The following KIAA1217 variants were observed in gnomAD, a reference collection of about 807,000 sequenced individuals.
KIAA1217 encodes the protein KIAA1217.
KIAA1217 carries 88 observed loss-of-function variants against 163.9 expected under a neutral mutation model. The ratio of observed to expected loss-of-function variants is 0.54; its 90% CI spans 0.45 to 0.64. KIAA1217 has a LOEUF of 0.64. Among genes scored for constraint, KIAA1217 ranks in the 30% least tolerant of loss-of-function variants. The pLI is 0.00. For missense variants in KIAA1217, 2,372 were observed against 2,475.0 expected (o/e 0.96, Z 0.88); for synonymous variants, 903 against 923.1 (o/e 0.98, Z 0.39).
intron 2 of KIAA1217, among the ~76,000 whole-genome samples, chr10:24,125,322 CTGTGTGTGTGTGTGTGTG>C (rs58143239): frequency 3.5e-5 from 5 of 143,720 alleles, no homozygotes; most frequent in Admixed American, 7.0e-5. Context: ...ATCCTATGCT[CTGTGTGTGTGTGTGTGTG>C]TGTGTGTGTG....
chr10:24,507,837 G>A (rs1326202889), intron 9 of KIAA1217, among the ~76,000 whole-genome samples: 2 of 151,992 alleles, frequency 1.3e-5, no homozygotes, highest in South Asian at 2.1e-4. Flanking sequence ...AGAGATAAAT[G>A]GAAAAATCTT....
chr10:23,724,739 C>T (rs1238943924), intron 1 of KIAA1217, among the ~76,000 whole-genome samples: 1 of 152,166 alleles, frequency 6.6e-6, no homozygotes, highest in African/African-American at 2.4e-5. Context: ...CGTTCTGTTT[C>T]AACTTAAAAC....
chr10:24,227,678 G>A lies in KIAA1217; in HGVS notation c.354+7769G>A, dbSNP rs1016890027. ...CTCCCAAGTAGCTGGGACTACAGGC[G>A]CCCGCCACCATGCCCGGCTAATTTT... On this transcript the variant is annotated intron_variant, in intron 2 of 20. Transcript: ENST00000376454. Among the ~76,000 whole-genome samples the A allele has an allele frequency of 5.3e-5, 8 of 151,858 alleles. No homozygotes were observed. The East Asian group carries it at 7.8e-4, about 15-fold the overall frequency.
chr10:23,899,783 G>C lies in KIAA1217; in HGVS notation c.-320-107442G>C, dbSNP rs1007056327. 2.6e-5 allele frequency among the ~76,000 whole-genome samples: 4 copies of C among 152,198 alleles called. No homozygotes were observed. The East Asian group carries it at 7.8e-4, about 30-fold the overall frequency. On this transcript the variant is annotated intron_variant, in intron 1 of 18. Coordinates refer to the KIAA1217 transcript ENST00000376462. ...TATGGGAATGTGTATGTGTGTGTTT[G>C]TGTGTGTAAAACAAATGCCACACAC...
chr10:24,533,020 T>C (rs2073354450), intron 15 of KIAA1217, 50 bp from the exon 16 acceptor site: 1 of 1,533,834 alleles, frequency 6.5e-7, no homozygotes, highest in Non-Finnish European at 8.8e-7. Flanking sequence ...CCTTTTTTGC[T>C]AGCACCTAGG....
At chr10:23,740,622 G>A (rs6482337) in intron 1 of KIAA1217, among the ~76,000 whole-genome samples, 34,834 of 152,002 alleles carry the variant, frequency 0.23, 4,330 homozygotes, top group African/African-American at 0.32. Flanking sequence ...GGCCTCCCAA[G>A]GTGCTGTGAT....
At position 23,834,561 on chromosome 10, in the gene KIAA1217, T is replaced by C. The variant is rs112020981; in HGVS notation, c.-321+139327T>C. On this transcript the variant is annotated intron_variant, in intron 1 of 18. Coordinates refer to the KIAA1217 transcript ENST00000376462. ...TATGTAAGAAGATGGTTAAGTACTA[T>C]GGAGAAAAAAGAAAGAAAAATGAGG... is the stretch of plus-strand genomic sequence containing the variant. 5.3e-3 allele frequency among the ~76,000 whole-genome samples: 804 copies of C among 152,022 alleles called. 11 individuals are homozygous for C. Among genetic ancestry groups the C allele is most frequent in the African/African-American group, 0.017 (716 of 41,436 alleles).
At chr10:24,414,578 C>CT (rs2058071580) in intron 3 of KIAA1217, among the ~76,000 whole-genome samples, 1 of 152,170 alleles carries the variant, frequency 6.6e-6, no homozygotes, top group African/African-American at 2.4e-5. Context: ...AGGGGGACTT[C>CT]TACCTCTGTA....
At chr10:24,381,099 T>A in intron 3 of KIAA1217, 32 bp downstream of exon 3, 1 of 1,465,466 alleles carries the variant, frequency 6.8e-7, no homozygotes, top group South Asian at 1.4e-5. Context: ...CTGATGCCCC[T>A]TTCTTACTGA....
intron 2 of KIAA1217, among the ~76,000 whole-genome samples, chr10:24,350,013 A>G (rs1317506212): frequency 6.6e-6 from 1 of 152,172 alleles, no homozygotes; most frequent in African/African-American, 2.4e-5. Context: ...GGTAAAAGAA[A>G]GTGAGACCAT....
intron 14 of KIAA1217, among the ~76,000 whole-genome samples, chr10:24,530,601 T>A (rs1467152044): frequency 6.6e-6 from 1 of 152,172 alleles, no homozygotes; most frequent in Non-Finnish European, 1.5e-5. Context: ...TGGGTAGTGA[T>A]CAAAAATTGA....
At chr10:23,851,885 T>A (rs572035892) in intron 1 of KIAA1217, among the ~76,000 whole-genome samples, 1 of 152,258 alleles carries the variant, frequency 6.6e-6, no homozygotes, top group African/African-American at 2.4e-5. Context: ...GTAAATTTGT[T>A]TGAGTTCATT....
At chr10:23,702,271 T>C (rs1238410377) in intron 1 of KIAA1217, among the ~76,000 whole-genome samples, 1 of 152,056 alleles carries the variant, frequency 6.6e-6, no homozygotes, top group Admixed American at 6.6e-5. Flanking sequence ...TGGGAGGAAT[T>C]TGGACTCCAG....
intron 2 of KIAA1217, among the ~76,000 whole-genome samples, chr10:24,101,911 A>G (rs2062431467): frequency 1.3e-5 from 2 of 152,130 alleles, no homozygotes; most frequent in African/African-American, 2.4e-5. Context: ...AAAATAATTA[A>G]TGGATATGGG....
intron 2 of KIAA1217, among the ~76,000 whole-genome samples, chr10:24,309,392 T>C (rs910324234): frequency 1.3e-5 from 2 of 151,858 alleles, no homozygotes; most frequent in Admixed American, 6.6e-5. Flanking sequence ...GCTTCCATGT[T>C]CTTACAAATG....
At chr10:24,509,034 A>G (rs1454707054) in intron 9 of KIAA1217, among the ~76,000 whole-genome samples, 1 of 152,192 alleles carries the variant, frequency 6.6e-6, no homozygotes, top group East Asian at 1.9e-4. Context: ...GATATGTTTT[A>G]TTGTCTGTAA....
At chr10:23,903,403 C>G (rs1370280420) in intron 1 of KIAA1217, among the ~76,000 whole-genome samples, 2 of 152,050 alleles carry the variant, frequency 1.3e-5, no homozygotes, top group African/African-American at 4.8e-5. Context: ...GCCCATCATA[C>G]CTATTTAACC....
chr10:24,008,076 A>T (rs11013848), intron 2 of KIAA1217, among the ~76,000 whole-genome samples: 33,351 of 152,018 alleles, frequency 0.22, 4,447 homozygotes, highest in Middle Eastern at 0.41. Flanking sequence ...ATTTTCTCCC[A>T]TTACAAAGTT....
intron 2 of KIAA1217, among the ~76,000 whole-genome samples, chr10:24,052,997 G>T (rs918778193): frequency 1.3e-5 from 2 of 152,066 alleles, no homozygotes; most frequent in African/African-American, 4.8e-5. Context: ...CCTTCTTCCT[G>T]GTGACAGTGC....
Sources: allele counts gnomAD v4.1 joint callset (sites outside exome capture counted in the v4.1 genomes callset), GRCh38; gene constraint gnomAD v4.1.1; transcripts MANE v1.5; gene names NCBI Gene and HGNC (gene_info 2026-07-23, HGNC 2026-07-21).